The following CFAP61 variants were observed in gnomAD, a reference collection of about 807,000 sequenced individuals.
CFAP61 encodes cilia- and flagella-associated protein 61.
CFAP61 carries 107 observed loss-of-function variants against 135.6 expected under a neutral mutation model. The observed-to-expected ratio is 0.79, with a 90% CI of 0.67 to 0.93. CFAP61 has a LOEUF of 0.93. Among genes scored for constraint, CFAP61 ranks in the 40% least tolerant of loss-of-function variants. The pLI is 0.00. For missense variants in CFAP61, 1,507 were observed against 1,556.2 expected (o/e 0.97, Z 0.53); for synonymous variants, 575 against 578.5 (o/e 0.99, Z 0.09).
chr20:20,111,984 C>T (rs1336481732), intron 8 of CFAP61, among the ~76,000 whole-genome samples: 4 of 152,044 alleles, frequency 2.6e-5, no homozygotes, highest in African/African-American at 9.7e-5. Flanking sequence ...AAGCCTGCAC[C>T]CTAGAGTACT....
intron 13 of CFAP61, among the ~76,000 whole-genome samples, chr20:20,182,985 C>T (rs879205279): frequency 6.6e-6 from 1 of 152,180 alleles, no homozygotes; most frequent in African/African-American, 2.4e-5. Context: ...AGATCACCTC[C>T]TCCTCAGGTT....
At chr20:20,300,520 T>C (rs1323652724) in intron 25 of CFAP61, among the ~76,000 whole-genome samples, 5 of 152,146 alleles carry the variant, frequency 3.3e-5, no homozygotes, top group Admixed American at 2.0e-4. Flanking sequence ...CAGTAAAAAG[T>C]AAAATAAAAT....
intron 17 of CFAP61, among the ~76,000 whole-genome samples, chr20:20,219,973 A>G (rs1315197753): frequency 2.0e-5 from 3 of 152,192 alleles, no homozygotes; most frequent in Non-Finnish European, 4.4e-5. Flanking sequence ...TGAGAGGAGC[A>G]TCTTTTGTTA....
At chr20:20,153,118 T>A (rs994336403) in intron 9 of CFAP61, among the ~76,000 whole-genome samples, 1 of 152,198 alleles carries the variant, frequency 6.6e-6, no homozygotes, top group Admixed American at 6.5e-5. Flanking sequence ...TGAACTTGAA[T>A]GATCTTTGGG....
At chr20:20,283,203 CT>C (rs1018730802) in intron 22 of CFAP61, among the ~76,000 whole-genome samples, 6 of 151,926 alleles carry the variant, frequency 3.9e-5, no homozygotes, top group Non-Finnish European at 5.9e-5. Flanking sequence ...TTGATTTTTG[CT>C]TTATCTTTTT....
chr20:20,312,056 C>G (rs1232790233), intron 25 of CFAP61, among the ~76,000 whole-genome samples: 1 of 152,116 alleles, frequency 6.6e-6, no homozygotes, highest in Non-Finnish European at 1.5e-5. Flanking sequence ...CATCTGAAAA[C>G]AAGTTTAAGA....
At position 20,174,260 on chromosome 20, in the gene CFAP61, T is replaced by G. The variant is rs574941557; in HGVS notation, c.1385+4800T>G. On this transcript the variant is annotated intron_variant, in intron 13 of 26. Coordinates refer to ENST00000245957, the MANE Select transcript of CFAP61 (RefSeq NM_015585.4). The stretch of plus-strand genomic sequence containing the variant: ...ACCCTCCTTCACAGCCTCCTCCAGT[T>G]TGTCGCCAGCGCACCCGCCAGCCCA... Among the ~76,000 whole-genome samples, 19 of 152,324 alleles carry G rather than the reference T, an allele frequency of 1.2e-4. No individual in the cohort carries two copies. In the Middle Eastern group the frequency reaches 0.01, roughly 82 times the overall value.
intron 21 of CFAP61, among the ~76,000 whole-genome samples, chr20:20,275,407 G>A (rs1011049966): frequency 5.3e-5 from 8 of 152,340 alleles, no homozygotes; most frequent in African/African-American, 1.9e-4. Context: ...CTGTTTAGAA[G>A]TCACATTATC....
intron 8 of CFAP61, among the ~76,000 whole-genome samples, chr20:20,116,795 CTCTA>C (rs2049177112): frequency 6.6e-6 from 1 of 152,052 alleles, no homozygotes; most frequent in Non-Finnish European, 1.5e-5. Flanking sequence ...GCAGTCTATT[CTCTA>C]TCTTCATGAG....
In CFAP61 at chr20:20,288,791, T is replaced by G; in HGVS notation, c.2979T>G (p.Thr993=). ...ATAGATACTACTCAAATGAGTGGAC[T>G]CACAGCAACTTCAGTTCCAAAGAAA... ...FSNRYYSNEW[T]HSNFSSKEIG... The change falls in exon 23 of 27, where the codon ACT becomes ACG. Residue 993 remains threonine, a synonymous_variant. Coordinates refer to ENST00000245957, the MANE Select transcript of CFAP61 (RefSeq NM_015585.4). 1.2e-6 allele frequency: 2 copies of G among 1,614,210 alleles called. No individual in the cohort carries two copies. The highest frequency in any genetic ancestry group is 1.7e-6 in the Non-Finnish European group (2 of 1,180,028).
rs773985715 is a variant in CFAP61 at position 20,164,224 on chromosome 20, G to A, written c.1201G>A (p.Ala401Thr). 5.7e-5 allele frequency: 92 copies of A among 1,612,316 alleles called. 1 individual carries two copies. The South Asian group carries it at 9.9e-4, about 17-fold the overall frequency. Residue 401 changes from alanine (A) to threonine (T), a missense_variant, in exon 11 of 27, where the codon GCA becomes ACA. Physicochemically the swap from Ala to Thr is moderately conservative, Grantham distance 58. Coordinates refer to ENST00000245957, the MANE Select transcript of CFAP61 (RefSeq NM_015585.4). Reference sequence around the variant, plus strand: ...GTTTTGTATTGATGAGAAATATGAAGCAAGGCAAGTACTGACCTTCTGGCT... The same window carrying A: ...GTTTTGTATTGATGAGAAATATGAAACAAGGCAAGTACTGACCTTCTGGCT... Reference protein sequence around the residue: ...QLFCIDEKYEARSLDFMNFVF... With the variant: ...QLFCIDEKYETRSLDFMNFVF...
chr20:20,148,278 GT>G (rs1177732171), intron 9 of CFAP61, among the ~76,000 whole-genome samples: 1 of 152,080 alleles, frequency 6.6e-6, no homozygotes, highest in East Asian at 1.9e-4. Flanking sequence ...GTTTTTTCTA[GT>G]TCTGTGAAGA....
At chr20:20,269,862 A>G (rs967064392) in intron 21 of CFAP61, among the ~76,000 whole-genome samples, 4 of 152,044 alleles carry the variant, frequency 2.6e-5, no homozygotes, top group African/African-American at 4.8e-5. Context: ...TTTGAAATAG[A>G]CTCACAGGGT....
intron 24 of CFAP61, among the ~76,000 whole-genome samples, chr20:20,296,030 CT>C (rs878899230): frequency 1.4e-5 from 1 of 72,108 alleles, no homozygotes; most frequent in South Asian, 4.2e-4. Context: ...TTCCTTCTTT[CT>C]TTTCTTCCTC....
chr20:20,120,783 A>G (rs550573165), intron 8 of CFAP61, among the ~76,000 whole-genome samples: 1 of 152,224 alleles, frequency 6.6e-6, no homozygotes, highest in South Asian at 2.1e-4. Context: ...CACATTTATT[A>G]ATATTTGCTT....
intron 17 of CFAP61, among the ~76,000 whole-genome samples, chr20:20,205,536 T>C (rs1468322870): frequency 6.6e-6 from 1 of 152,252 alleles, no homozygotes; most frequent in Non-Finnish European, 1.5e-5. Flanking sequence ...ACAGATCTTG[T>C]TGAACCTCAC....
chr20:20,083,172 C>A (rs1242924075), intron 6 of CFAP61, among the ~76,000 whole-genome samples: 1 of 152,102 alleles, frequency 6.6e-6, no homozygotes. Context: ...TAAAAATGAA[C>A]AAAATAATGT....
chr20:20,256,794 G>T (rs540442491), intron 20 of CFAP61, among the ~76,000 whole-genome samples: 2 of 152,248 alleles, frequency 1.3e-5, no homozygotes, highest in Non-Finnish European at 2.9e-5. Context: ...TTTTTTACCC[G>T]AAAAACATAT....
intron 25 of CFAP61, among the ~76,000 whole-genome samples, chr20:20,340,548 C>T (rs2058401148): frequency 6.6e-6 from 1 of 152,048 alleles, no homozygotes; most frequent in South Asian, 2.1e-4. Context: ...TGAAGGGTCC[C>T]CGACGGGCAA....
Sources: gnomAD v4.1 joint callset for allele counts (sites outside exome capture counted in the v4.1 genomes callset) on GRCh38, gnomAD v4.1.1 for gene constraint, MANE v1.5 for transcripts, NCBI Gene and HGNC (gene_info 2026-07-23, HGNC 2026-07-21) for gene names.